SMAP1: variants seen among roughly 807,000 people sequenced by gnomAD.
SMAP1 encodes the protein stromal membrane-associated protein 1.
Under a neutral mutation model 58.5 loss-of-function variants are expected in SMAP1, and 24 were observed. The ratio of observed to expected loss-of-function variants is 0.41; its 90% confidence interval spans 0.30 to 0.58. The LOEUF is 0.58. Among genes scored for constraint, SMAP1 ranks in the 20% least tolerant of loss-of-function variants. SMAP1 has a pLI of 0.29. For missense variants in SMAP1, 563 were observed against 566.3 expected (o/e 0.99, Z 0.06); for synonymous variants, 216 against 196.6 (o/e 1.10, Z -0.82).
chr6:70,743,848 A>G (rs1765910961), intron 2 of SMAP1, among the ~76,000 whole-genome samples: 1 of 152,150 alleles, frequency 6.6e-6, no homozygotes, highest in South Asian at 2.1e-4. Flanking sequence ...GATTGAGGTA[A>G]AGAAAGAAAG....
chr6:70,722,811 C>T (rs369882635), intron 1 of SMAP1, among the ~76,000 whole-genome samples: 7 of 152,212 alleles, frequency 4.6e-5, no homozygotes, highest in East Asian at 1.9e-4. Flanking sequence ...CGCCTTTAAG[C>T]GGTTTTCCAC....
intron 1 of SMAP1, among the ~76,000 whole-genome samples, chr6:70,723,274 A>G (rs887088087): frequency 6.6e-6 from 1 of 152,148 alleles, no homozygotes; most frequent in African/African-American, 2.4e-5. Flanking sequence ...CTATAGGCAC[A>G]TGCCATTGCA....
At chr6:70,774,150 C>T (rs1448042118) in intron 4 of SMAP1, among the ~76,000 whole-genome samples, 1 of 152,104 alleles carries the variant, frequency 6.6e-6, no homozygotes, top group Non-Finnish European at 1.5e-5. Flanking sequence ...GTAGGTTGTA[C>T]CATCTAGGTT....
rs1368792159 is a variant in SMAP1, at chr6:70,837,122, A to G, written c.664+94A>G. The G allele has an allele frequency of 3.7e-6, 3 of 819,514 alleles. No individual in the cohort carries two copies. The African/African-American group carries it at 5.4e-5, about 15-fold the overall frequency. 50.8% of individuals were successfully genotyped at this position (819,514 alleles called of 1,614,324 possible). ...ATAATGGCTTTATCTTGAGTATGCC[A>G]AAACGTACCTGTTAACTGAATTTGA... On this transcript the variant is annotated intron_variant, in intron 7 of 10. Transcript: ENST00000370455.
chr6:70,797,014 T>C (rs1768634650), intron 5 of SMAP1, among the ~76,000 whole-genome samples: 1 of 152,172 alleles, frequency 6.6e-6, no homozygotes. Flanking sequence ...TTTCACTAAT[T>C]GATGAATTAC....
chr6:70,756,452 T>G (rs909019138), intron 3 of SMAP1, among the ~76,000 whole-genome samples: 1 of 152,108 alleles, frequency 6.6e-6, no homozygotes, highest in African/African-American at 2.4e-5. Context: ...CAGTCTGATA[T>G]CCGAAGCTGT....
At chr6:70,753,093 G>GAT (rs1225759944) in intron 2 of SMAP1, among the ~76,000 whole-genome samples, 3 of 149,572 alleles carry the variant, frequency 2.0e-5, no homozygotes, top group African/African-American at 7.4e-5. Context: ...ACATTAAATA[G>GAT]ATATGTACAG....
intron 1 of SMAP1, among the ~76,000 whole-genome samples, chr6:70,724,848 A>G (rs1184020571): frequency 1.3e-5 from 2 of 151,956 alleles, no homozygotes; most frequent in Non-Finnish European, 2.9e-5. Context: ...TTTTCTTAAT[A>G]AAATATTATA....
At chr6:70,844,854 G>A (rs1234521142) in intron 7 of SMAP1, among the ~76,000 whole-genome samples, 3 of 152,120 alleles carry the variant, frequency 2.0e-5, no homozygotes, top group African/African-American at 7.2e-5. Context: ...TTATTGAGTA[G>A]AAAATAAAAA....
At chr6:70,751,056 A>G (rs1406940872) in intron 2 of SMAP1, among the ~76,000 whole-genome samples, 3 of 152,236 alleles carry the variant, frequency 2.0e-5, no homozygotes, top group Non-Finnish European at 2.9e-5. Flanking sequence ...CCCGGCCAAC[A>G]TGGTGAAACC....
intron 1 of SMAP1, among the ~76,000 whole-genome samples, chr6:70,683,027 A>T (rs1194587984): frequency 4.6e-5 from 7 of 151,416 alleles, no homozygotes; most frequent in Admixed American, 2.6e-4. Context: ...ACAGAGTGAG[A>T]CTCCATGTCA....
intron 6 of SMAP1, among the ~76,000 whole-genome samples, chr6:70,813,241 C>T (rs1769468373): frequency 6.6e-6 from 1 of 152,132 alleles, no homozygotes; most frequent in African/African-American, 2.4e-5. Context: ...TCACAGGCTT[C>T]TGGAGAGTAC....
intron 2 of SMAP1, among the ~76,000 whole-genome samples, chr6:70,737,120 A>G (rs768735996): frequency 6.6e-5 from 10 of 152,068 alleles, no homozygotes; most frequent in Non-Finnish European, 1.3e-4. Flanking sequence ...TGGTTGTGCT[A>G]TTGTCCTTGT....
chr6:70,774,647 G>A (rs960403644), intron 4 of SMAP1, among the ~76,000 whole-genome samples: 2 of 152,136 alleles, frequency 1.3e-5, no homozygotes, highest in Non-Finnish European at 2.9e-5. Flanking sequence ...GGGAGGCCAA[G>A]GTGGGAGGAT....
chr6:70,797,802 T>C (rs983865918), intron 5 of SMAP1, among the ~76,000 whole-genome samples: 9 of 152,042 alleles, frequency 5.9e-5, no homozygotes, highest in African/African-American at 1.9e-4. Context: ...TTATCTTTTC[T>C]TTTTTTGCTG....
At chr6:70,805,913 T>C (rs529684816) in intron 6 of SMAP1, among the ~76,000 whole-genome samples, 1 of 152,284 alleles carries the variant, frequency 6.6e-6, no homozygotes, top group East Asian at 1.9e-4. Flanking sequence ...GTGTGAGGTG[T>C]CTGTCGGCCC....
In SMAP1 at chr6:70,860,265, C is replaced by T. The variant is rs370841547; in HGVS notation, c.1335C>T (p.Pro445=). 15 of 1,613,706 alleles carry T rather than the reference C, an allele frequency of 9.3e-6. No individual in the cohort carries two copies. In the South Asian group the frequency reaches 1.2e-4, roughly 13 times the overall value. ...SATPTAGFGQ[P]SSTTAGWSGS... is the part of the protein sequence containing the mutation. The stretch of plus-strand genomic sequence containing the variant: ...CCCCTACTGCAGGTTTTGGCCAGCC[C>T]TCCAGCACAACAGCAGGATGGTCTG... The change falls in exon 11 of 11, where the codon CCC becomes CCT. Residue 445 remains proline (P), a synonymous_variant. Transcript: ENST00000370455.
At chr6:70,815,023 C>A (rs1337348998) in intron 6 of SMAP1, among the ~76,000 whole-genome samples, 1 of 152,074 alleles carries the variant, frequency 6.6e-6, no homozygotes, top group Non-Finnish European at 1.5e-5. Flanking sequence ...TAGACTGGAG[C>A]CCAGCTTTTA....
chr6:70,771,440 C>G (rs1052630727), intron 3 of SMAP1, among the ~76,000 whole-genome samples: 1 of 152,262 alleles, frequency 6.6e-6, no homozygotes, highest in Admixed American at 6.5e-5. Flanking sequence ...TTTACCTAGG[C>G]AAGCCTGGGC....
Sources: allele counts gnomAD v4.1 joint callset (sites outside exome capture counted in the v4.1 genomes callset), GRCh38; gene constraint gnomAD v4.1.1; transcripts MANE v1.5; gene names NCBI Gene and HGNC (gene_info 2026-07-23, HGNC 2026-07-21).